Variants in DNAAF11 observed in about 807,000 individuals in gnomAD.
The protein encoded by DNAAF11 is dynein axonemal assembly factor 11.
DNAAF11 carries 45 observed loss-of-function variants against 60.8 expected under a neutral mutation model. The ratio of observed to expected loss-of-function variants is 0.74; its 90% CI spans 0.58 to 0.95. The LOEUF (loss-of-function observed/expected upper bound fraction) is 0.95. Ranked by LOEUF, DNAAF11 falls within the 40% of genes least tolerant of loss-of-function variation. The pLI is 0.00. For synonymous variants in DNAAF11, 191 were observed against 183.5 expected, an observed-to-expected ratio of 1.04 and a Z score of -0.33; for missense variants, 546 against 546.2, an observed-to-expected ratio of 1.00 and a Z score of 0.00.
intron 1 of DNAAF11, among the ~76,000 whole-genome samples, chr8:132,668,596 G>A (rs1169109911): frequency 1.3e-5 from 2 of 151,954 alleles, no homozygotes; most frequent in African/African-American, 4.8e-5. Context: ...CTGCCACCAC[G>A]CCTGGCTAAT....
At chr8:132,588,956 G>A (rs1413066594) in intron 10 of DNAAF11, among the ~76,000 whole-genome samples, 1 of 152,064 alleles carries the variant, frequency 6.6e-6, no homozygotes, top group Non-Finnish European at 1.5e-5. Flanking sequence ...AGCACTAGGG[G>A]GATGCTGCTA....
At chr8:132,596,780 C>A (rs528718655) in intron 10 of DNAAF11, among the ~76,000 whole-genome samples, 1 of 152,124 alleles carries the variant, frequency 6.6e-6, no homozygotes, top group African/African-American at 2.4e-5. Flanking sequence ...AAACAAAGAG[C>A]GACACTCCCT....
At position 132,582,746 on chromosome 8, in the gene DNAAF11, T is replaced by C. The variant is rs113871838; in HGVS notation, c.1226+948A>G. Among the ~76,000 whole-genome samples, 509 of 152,352 alleles carry C rather than the reference T, an allele frequency of 3.3e-3. 5 individuals are homozygous for C. Among genetic ancestry groups the C allele is most frequent in the African/African-American group, 0.012 (484 of 41,582 alleles). Reference sequence around the variant, plus strand: ...TGACTGCTTTATTATGCAACACATATATATAGCTCTTGTTCAGGTATTTTT... The same window carrying C: ...TGACTGCTTTATTATGCAACACATACATATAGCTCTTGTTCAGGTATTTTT... On this transcript the variant is annotated intron_variant, in intron 11 of 11. Coordinates refer to ENST00000620350, the MANE Select transcript of DNAAF11 (RefSeq NM_012472.6).
the DNAAF11 span, among the ~76,000 whole-genome samples, chr8:132,685,533 T>C: frequency 6.6e-6 from 1 of 152,200 alleles, no homozygotes; most frequent in Non-Finnish European, 1.5e-5. Flanking sequence ...GAGAAGACTT[T>C]GTCATATCAG....
chr8:132,691,307 G>C, the DNAAF11 span, among the ~76,000 whole-genome samples: 1 of 152,120 alleles, frequency 6.6e-6, no homozygotes, highest in Non-Finnish European at 1.5e-5. Flanking sequence ...TTGGTTTCTA[G>C]GTCATTTTGA....
chr8:132,694,126 A>G, the DNAAF11 span, among the ~76,000 whole-genome samples: 1 of 152,198 alleles, frequency 6.6e-6, no homozygotes, highest in Non-Finnish European at 1.5e-5. Context: ...TGAAGTTGGT[A>G]AGCAGGGGTA....
At chr8:132,674,908 C>A (rs780219438) in intron 1 of DNAAF11, among the ~76,000 whole-genome samples, 11 of 152,150 alleles carry the variant, frequency 7.2e-5, no homozygotes, top group Non-Finnish European at 1.2e-4. Context: ...AACAAAAACA[C>A]GTTTATAACA....
At chr8:132,685,805 A>T in the DNAAF11 span, among the ~76,000 whole-genome samples, 1 of 152,144 alleles carries the variant, frequency 6.6e-6, no homozygotes, top group African/African-American at 2.4e-5. Flanking sequence ...CTACTTGAAT[A>T]TGTGTGTGTG....
intron 10 of DNAAF11, among the ~76,000 whole-genome samples, chr8:132,595,967 G>A (rs1275258512): frequency 1.3e-5 from 2 of 152,128 alleles, no homozygotes; most frequent in East Asian, 1.9e-4. Context: ...AGTGGTACCC[G>A]CAAGATGTAG....
At chr8:132,615,939 C>T (rs952977938) in intron 7 of DNAAF11, among the ~76,000 whole-genome samples, 1 of 152,148 alleles carries the variant, frequency 6.6e-6, no homozygotes, top group Non-Finnish European at 1.5e-5. Flanking sequence ...CGCCCCATTT[C>T]TGCTTGTGGC....
At chr8:132,586,222 G>A (rs2131034056) in intron 10 of DNAAF11, among the ~76,000 whole-genome samples, 1 of 152,236 alleles carries the variant, frequency 6.6e-6, no homozygotes, top group South Asian at 2.1e-4. Flanking sequence ...TGTAATACAT[G>A]TGCAGCAGTG....
At chr8:132,578,428 T>C in intron 11 of DNAAF11, 7 of 1,493,340 alleles carry the variant, frequency 4.7e-6, no homozygotes, top group African/African-American at 1.4e-5. Context: ...CCCGCCTTAA[T>C]GTCAGAGGCC....
intron 7 of DNAAF11, among the ~76,000 whole-genome samples, chr8:132,621,825 A>C (rs896950648): frequency 2.6e-5 from 4 of 152,032 alleles, no homozygotes; most frequent in African/African-American, 9.7e-5. Flanking sequence ...AAGTCACTCC[A>C]CCTCTCTCAG....
chr8:132,698,944 A>ATTGTGTGTGTGTG, the DNAAF11 span, among the ~76,000 whole-genome samples: 1 of 142,522 alleles, frequency 7.0e-6, no homozygotes. Flanking sequence ...ATACATATAT[A>ATTGTGTGTGTGTG]TATATATATA....
chr8:132,617,983 C>T (rs568751399), intron 7 of DNAAF11, among the ~76,000 whole-genome samples: 3 of 148,606 alleles, frequency 2.0e-5, no homozygotes, highest in South Asian at 2.2e-4. Flanking sequence ...GAGCCCACAT[C>T]GCCAAGTCAA....
chr8:132,649,545 C>A (rs962029738), intron 3 of DNAAF11, among the ~76,000 whole-genome samples: 1 of 152,198 alleles, frequency 6.6e-6, no homozygotes, highest in African/African-American at 2.4e-5. Flanking sequence ...AGAGCTTTTG[C>A]ACAGCAAAAG....
At chr8:132,699,692 C>G in the DNAAF11 span, among the ~76,000 whole-genome samples, 2 of 152,024 alleles carry the variant, frequency 1.3e-5, no homozygotes, top group Non-Finnish European at 2.9e-5. Context: ...GGTAATAACC[C>G]AAACATCCAC....
At chr8:132,577,405 TAGCCAA>T (rs1814861431) in intron 11 of DNAAF11, among the ~76,000 whole-genome samples, 1 of 152,242 alleles carries the variant, frequency 6.6e-6, no homozygotes, top group African/African-American at 2.4e-5. Flanking sequence ...CTATTACTCG[TAGCCAA>T]ATATATCCTT....
intron 10 of DNAAF11, among the ~76,000 whole-genome samples, chr8:132,592,694 C>A (rs903670817): frequency 7.9e-5 from 12 of 152,024 alleles, no homozygotes; most frequent in African/African-American, 2.9e-4. Flanking sequence ...AAGAGGAAGT[C>A]TATTTATAAT....
Sources: allele counts gnomAD v4.1 joint callset (sites outside exome capture counted in the v4.1 genomes callset), GRCh38; gene constraint gnomAD v4.1.1; transcripts MANE v1.5; gene names NCBI Gene and HGNC (gene_info 2026-07-23, HGNC 2026-07-21).